URB2: variants seen among roughly 807,000 people sequenced by gnomAD.
The protein encoded by URB2 is URB2 ribosome biogenesis homolog, also known as unhealthy ribosome biogenesis protein 2 homolog.
URB2 carries 86 observed loss-of-function variants against 120.9 expected under a neutral mutation model. The observed-to-expected ratio is 0.71, with a 90% CI of 0.60 to 0.85. The LOEUF (loss-of-function observed/expected upper bound fraction) is 0.85, where lower values mean the gene tolerates loss of function less well. Ranked by LOEUF, URB2 falls within the 40% of genes least tolerant of loss-of-function variation. The probability of loss-of-function intolerance (pLI) is 0.00; values close to 1 mark genes in which losing one functional copy is unlikely to be tolerated. For synonymous variants in URB2, 755 were observed against 758.4 expected (o/e 1.00, Z 0.07); for missense variants, 1,765 against 1,836.5 (o/e 0.96, Z 0.71).
In URB2 at chr1:229,636,670, T is replaced by C. The variant is rs960394614; in HGVS notation, c.2057T>C (p.Leu686Ser). The C allele has an allele frequency of 6.2e-7, 1 of 1,614,208 alleles. No homozygotes were observed. Among genetic ancestry groups the C allele is most frequent in the Non-Finnish European group, 8.5e-7 (1 of 1,180,036 alleles). Reference protein sequence around the residue: ...QLYLQKMKRTLMQTSFRSEGA... With the variant: ...QLYLQKMKRTSMQTSFRSEGA... ...TACCTGCAGAAAATGAAAAGGACTT[T>C]AATGCAAACTAGTTTCCGGTCTGAA... The change falls in exon 4 of 10, where the codon TTA (leucine) becomes TCA (serine). Residue 686 changes from leucine (L) to serine (S), a missense_variant. Physicochemically the swap from Leu to Ser is moderately radical, Grantham distance 145 (BLOSUM62 -2). Coordinates refer to ENST00000258243, the MANE Select transcript of URB2 (RefSeq NM_014777.4).
In URB2 at chr1:229,659,632, A is replaced by C. The variant is rs577725764; in HGVS notation, c.*335A>C. 5.2e-6 allele frequency: 1 copy of C among 193,790 alleles called. No individual in the cohort carries two copies. Among genetic ancestry groups the C allele is most frequent in the African/African-American group, 2.3e-5 (1 of 43,230 alleles). 12.0% of individuals were successfully genotyped at this position (193,790 alleles called of 1,614,324 possible). A position where few individuals can be genotyped will look rare whatever the true frequency, so the allele number is the denominator to read the frequency against. ...AGTGGTTTGGTGTTCCCTCGTCTGC[A>C]CTGGAAACTACATAAAACTTGGCTT... On this transcript the variant is annotated 3_prime_UTR_variant, in exon 10 of 10. Coordinates refer to ENST00000258243, the MANE Select transcript of URB2 (RefSeq NM_014777.4).
chr1:229,659,153 C>A lies in URB2; in HGVS notation c.4431C>A (p.Ile1477=), dbSNP rs1289888545. The A allele has an allele frequency of 2.5e-6, 4 of 1,612,892 alleles. No homozygotes were observed. Among genetic ancestry groups the A allele is most frequent in the Non-Finnish European group, 3.4e-6 (4 of 1,180,040 alleles). Reference sequence around the variant, plus strand: ...TGCTGCAGGAGGGCATTTACCTCATCCTGGACCTCTGCATCGAGCCTGACG... The same window carrying A: ...TGCTGCAGGAGGGCATTTACCTCATACTGGACCTCTGCATCGAGCCTGACG... ...KSLLQEGIYL[I]LDLCIEPDVQ... Residue 1477 remains isoleucine (I), a synonymous_variant, in exon 10 of 10, where the codon ATC becomes ATA. Transcript: ENST00000258243.
intron 2 of URB2, among the ~76,000 whole-genome samples, chr1:229,629,398 G>A (rs1014997211): frequency 6.6e-6 from 1 of 152,088 alleles, no homozygotes; most frequent in African/African-American, 2.4e-5. Flanking sequence ...CTAACTTTTA[G>A]AACTTGGTAC....
At position 229,635,261 on chromosome 1, in the gene URB2, A is replaced by C. The variant is rs1665768020; in HGVS notation, c.648A>C (p.Thr216=). 6.2e-6 allele frequency: 10 copies of C among 1,614,216 alleles called. No individual in the cohort carries two copies. The East Asian group carries it at 2.2e-4, about 36-fold the overall frequency. The change falls in exon 4 of 10, where the codon ACA becomes ACC. Residue 216 remains threonine (T), a synonymous_variant. Coordinates refer to ENST00000258243, the MANE Select transcript of URB2 (RefSeq NM_014777.4). ...TGAGGCACTTACTCTCTGGGGGCAC[A>C]TGGACGCAGGCTGGCCAGGGCCAGC... is the stretch of plus-strand genomic sequence containing the variant. ...LVLRHLLSGG[T]WTQAGQGQLR...
chr1:229,643,785 A>G (rs1666069895), intron 5 of URB2, 92 bp downstream of exon 5: 1 of 1,501,326 alleles, frequency 6.7e-7, no homozygotes, highest in South Asian at 1.3e-5. Context: ...CACCCTTAAA[A>G]CTAAACAAGT....
intron 2 of URB2, among the ~76,000 whole-genome samples, chr1:229,629,661 C>T (rs1665613583): frequency 6.6e-6 from 1 of 152,152 alleles, no homozygotes; most frequent in Non-Finnish European, 1.5e-5. Context: ...AGGGTCTTGC[C>T]TTAATGTTGA....
In URB2 at chr1:229,627,599, TCCCA is replaced by T. The variant is rs1571863852; in HGVS notation, c.-13-21_-13-18del. The T allele has an allele frequency of 6.2e-6, 10 of 1,603,808 alleles. No homozygotes were observed. Among genetic ancestry groups the T allele is most frequent in the Admixed American group, 3.4e-5 (2 of 58,266 alleles). The stretch of plus-strand genomic sequence containing the variant: ...TCTGACATTGTTATAGTATTTTTTT[TCCCA>T]TTGTTTTTAAATTTTAGATAAAGCC... On this transcript the variant is annotated intron_variant, in intron 1 of 9. Transcript: ENST00000258243.
chr1:229,646,386 A>G (rs189451113), intron 6 of URB2, among the ~76,000 whole-genome samples: 25 of 152,314 alleles, frequency 1.6e-4, no homozygotes, highest in Admixed American at 1.4e-3. Context: ...CTGCAGCCTC[A>G]AACTCCTGGC....
At chr1:229,631,734 A>G (rs564579497) in intron 2 of URB2, among the ~76,000 whole-genome samples, 1 of 152,336 alleles carries the variant, frequency 6.6e-6, no homozygotes, top group Non-Finnish European at 1.5e-5. Context: ...GACACGGTTC[A>G]TGGTGCCCCA....
rs149944790 is a variant in URB2, at chr1:229,655,406, G to A, written c.4377+1018G>A. On this transcript the variant is annotated intron_variant, in intron 9 of 9. Coordinates refer to ENST00000258243, the MANE Select transcript of URB2 (RefSeq NM_014777.4). ...CCACCACCACGCCCAGTTAATTTTT[G>A]TATTTTTAGTAGAGACAGGGTCTTG... 8.5e-3 allele frequency among the ~76,000 whole-genome samples: 1,289 copies of A among 152,126 alleles called. 21 individuals are homozygous for A. The highest frequency in any genetic ancestry group is 0.029 in the African/African-American group (1,219 of 41,494).
intron 8 of URB2, among the ~76,000 whole-genome samples, chr1:229,653,080 T>C (rs536510691): frequency 1.3e-5 from 2 of 152,350 alleles, no homozygotes; most frequent in Middle Eastern, 6.8e-3. Flanking sequence ...ATAGCATGTA[T>C]ATGGTGAACA....
chr1:229,633,286 A>G (rs1418699862), intron 3 of URB2, among the ~76,000 whole-genome samples: 1 of 152,236 alleles, frequency 6.6e-6, no homozygotes, highest in Non-Finnish European at 1.5e-5. Flanking sequence ...TTAAAATAAT[A>G]AACCAGTGGT....
In URB2 at chr1:229,636,254, C is replaced by T; in HGVS notation, c.1641C>T (p.His547=). The T allele has an allele frequency of 3.7e-6, 6 of 1,614,004 alleles. No individual in the cohort carries two copies. The highest frequency in any genetic ancestry group is 4.2e-6 in the Non-Finnish European group (5 of 1,179,862). ...CACTGTCACTGAGCTTGCTGCTGCA[C>T]TGCATCATGTTCAACATGAGGAGCC... is the stretch of plus-strand genomic sequence containing the variant. ...LKSLSLSLLL[H]CIMFNMRSLD... Residue 547 remains histidine (H), a synonymous_variant, in exon 4 of 10, where the codon CAC becomes CAT. Transcript: ENST00000258243.
intron 8 of URB2, 34 bp downstream of exon 8, chr1:229,651,356 T>G (rs780283294): frequency 6.3e-7 from 1 of 1,586,262 alleles, no homozygotes; most frequent in Admixed American, 1.8e-5. Flanking sequence ...CAGTTTCAAA[T>G]ATATTCATCA....
chr1:229,636,630 T>G lies in URB2; in HGVS notation c.2017T>G (p.Cys673Gly), dbSNP rs757129969. The change falls in exon 4 of 10, where the codon TGC (cysteine) becomes GGC (glycine). Residue 673 changes from cysteine (C) to glycine (G), a missense_variant. Cys to Gly is a radical substitution (Grantham distance 159). Coordinates refer to ENST00000258243, the MANE Select transcript of URB2 (RefSeq NM_014777.4). The stretch of plus-strand genomic sequence containing the variant: ...TCAGTTCAGCTCTCTTGGTACATAT[T>G]GCTTAGAACAGCTGTACCTGCAGAA... ...TAQFSSLGTY[C>G]LEQLYLQKMK... 6.2e-7 allele frequency: 1 copy of G among 1,614,246 alleles called. No homozygotes were observed.
chr1:229,645,569 A>G (rs941294266), intron 5 of URB2, among the ~76,000 whole-genome samples: 8 of 152,124 alleles, frequency 5.3e-5, no homozygotes, highest in Non-Finnish European at 8.8e-5. Context: ...CCCTTTTGCA[A>G]TTCACTGTCC....
At position 229,651,907 on chromosome 1, in the gene URB2, C is replaced by T. The variant is rs143395229; in HGVS notation, c.4237+585C>T. Among the ~76,000 whole-genome samples, 451 of 152,248 alleles carry T rather than the reference C, an allele frequency of 3.0e-3. 2 individuals are homozygous for T. Among genetic ancestry groups the T allele is most frequent in the African/African-American group, 0.01 (433 of 41,524 alleles). ...ATTATTTTAAAAATTGCTGGCCGGG[C>T]GCAGTGGCTCATGGCTGTAATCCCA... On this transcript the variant is annotated intron_variant, in intron 8 of 9. Transcript: ENST00000258243.
intron 9 of URB2, among the ~76,000 whole-genome samples, chr1:229,655,198 T>C (rs1227382248): frequency 1.3e-5 from 2 of 152,358 alleles, no homozygotes; most frequent in East Asian, 3.9e-4. Flanking sequence ...AATCTGACTT[T>C]TTGATTCAGT....
chr1:229,642,238 A>T (rs1666029357), intron 4 of URB2, among the ~76,000 whole-genome samples: 1 of 152,188 alleles, frequency 6.6e-6, no homozygotes, highest in African/African-American at 2.4e-5. Flanking sequence ...TAGCTAGGGC[A>T]GGTGGAAATG....
Sources: allele counts gnomAD v4.1 joint callset (sites outside exome capture counted in the v4.1 genomes callset), GRCh38; gene constraint gnomAD v4.1.1; transcripts MANE v1.5; gene names NCBI Gene and HGNC (gene_info 2026-07-23, HGNC 2026-07-21).